The following PROM2 variants were observed in gnomAD, a reference collection of about 807,000 sequenced individuals.
PROM2 encodes prominin 2.
A neutral mutation model predicts 110.2 loss-of-function variants in PROM2; 90 were observed. The observed-to-expected ratio is 0.82, with a 90% CI of 0.69 to 0.97. The LOEUF (loss-of-function observed/expected upper bound fraction) is 0.97. Ranked by LOEUF, PROM2 falls within the 50% of genes least tolerant of loss-of-function variation. The probability of loss-of-function intolerance (pLI) is 0.00; values close to 1 mark genes in which losing one functional copy is unlikely to be tolerated. For synonymous variants in PROM2, 470 were observed against 467.8 expected, an observed-to-expected ratio of 1.00 and a Z score of -0.06; for missense variants, 1,009 against 1,074.8, an observed-to-expected ratio of 0.94 and a Z score of 0.86.
chr2:95,285,697 T>C lies in PROM2; in HGVS notation c.1934T>C (p.Leu645Pro). 12 of 1,601,732 alleles carry C rather than the reference T, an allele frequency of 7.5e-6. No homozygotes were observed. The highest frequency in any genetic ancestry group is 9.4e-6 in the Non-Finnish European group (11 of 1,173,910). Reference protein sequence around the residue: ...MEQLAQELQGLAQAQDNSVLG... With the variant: ...MEQLAQELQGPAQAQDNSVLG... ...CAGCTGGCCCAGGAGCTGCAAGGACTGGCCCAGGCCCAAGTGAGTGGGAAA... is the reference window on the plus strand; with the variant it reads ...CAGCTGGCCCAGGAGCTGCAAGGACCGGCCCAGGCCCAAGTGAGTGGGAAA... The change falls in exon 16 of 24, where the codon CTG (leucine) becomes CCG (proline). Residue 645 changes from leucine to proline, a missense_variant. Coordinates refer to ENST00000317620, the MANE Select transcript of PROM2 (RefSeq NM_001165978.3).
rs1346631822 is a variant in PROM2 at position 95,275,647 on chromosome 2, C to T, written c.294+137C>T. 1.5e-6 allele frequency: 2 copies of T among 1,362,088 alleles called. No individual in the cohort carries two copies. The highest frequency in any genetic ancestry group is 2.0e-6 in the Non-Finnish European group (2 of 1,009,154). The allele number at this position is 1,362,088 out of a possible 1,614,324, so 84.4% of individuals were successfully genotyped here. ...AGGGGCTCAGGCATCCTCTCCCCTC[C>T]TCTGTGGGCGCTGCAGTCCGTAGAC... On this transcript the variant is annotated intron_variant, in intron 2 of 23. Coordinates refer to ENST00000317620, the MANE Select transcript of PROM2 (RefSeq NM_001165978.3). The surrounding 1 kb of genome is among the most constrained non-coding windows in gnomAD (Gnocchi z 4.4).
In PROM2 at chr2:95,278,710, G is replaced by T; in HGVS notation, c.1051-11G>T. 6.2e-7 allele frequency: 1 copy of T among 1,614,066 alleles called. No individual in the cohort carries two copies. ...GAGATGGGGAGGCCCAGCACTACTTGGTTCCTGCAGGAGAACAGCACCTTC... is the reference window on the plus strand; with the variant it reads ...GAGATGGGGAGGCCCAGCACTACTTTGTTCCTGCAGGAGAACAGCACCTTC... On this transcript the variant is annotated splice_polypyrimidine_tract_variant and intron_variant, in intron 8 of 23. Coordinates refer to ENST00000317620, the MANE Select transcript of PROM2 (RefSeq NM_001165978.3).
intron 10 of PROM2, among the ~76,000 whole-genome samples, chr2:95,279,399 C>T (rs537558797): frequency 1.1e-4 from 17 of 151,604 alleles, no homozygotes; most frequent in Non-Finnish European, 2.1e-4. Flanking sequence ...CCGGTTCAAG[C>T]GATTCTCTTG....
At chr2:95,286,954 C>T (rs2104144533) in intron 18 of PROM2, 97 bp downstream of exon 18, 3 of 1,444,110 alleles carry the variant, frequency 2.1e-6, no homozygotes, top group Admixed American at 3.4e-5. Context: ...AGAGCTCTGC[C>T]CAGGTTGCAG....
At chr2:95,280,785 C>G (rs1412924513) in intron 11 of PROM2, among the ~76,000 whole-genome samples, 1 of 152,182 alleles carries the variant, frequency 6.6e-6, no homozygotes, top group Non-Finnish European at 1.5e-5. Flanking sequence ...GTTGGGACTA[C>G]AGGCGTGTGC....
rs761329720 is a variant in PROM2, at chr2:95,276,138, G to T, written c.497+6G>T. On this transcript the variant is annotated splice_donor_region_variant and intron_variant, in intron 3 of 23. Transcript: ENST00000317620. The surrounding 1 kb of genome is among the most constrained non-coding windows in gnomAD (Gnocchi z 4.6). ...CTGACCACCCTCTTGCTGCTGTAAG[G>T]CGCTGCCCAGGGCCCGGGTAGGGCG... The T allele has an allele frequency of 4.3e-6, 7 of 1,611,884 alleles. No individual in the cohort carries two copies. Among genetic ancestry groups the T allele is most frequent in the Non-Finnish European group, 8.5e-7 (1 of 1,179,256 alleles).
At chr2:95,279,359 C>T (rs1558743714) in intron 10 of PROM2, among the ~76,000 whole-genome samples, 4 of 150,214 alleles carry the variant, frequency 2.7e-5, no homozygotes, top group South Asian at 2.1e-4. Context: ...TGCAGTGGGG[C>T]GATCTTGGGT....
Position 95,279,863 on chromosome 2 carries a change from G to T in PROM2, c.1293G>T (p.Val431=). 1 of 1,497,452 alleles carries T rather than the reference G, an allele frequency of 6.7e-7. No homozygotes were observed. The highest frequency in any genetic ancestry group is 1.4e-5 in the South Asian group (1 of 73,802). The allele number at this position is 1,497,452 out of a possible 1,614,324, so 92.8% of individuals were successfully genotyped here. ...YETYRWIVGC[V]LCSVVLFVVL... is the part of the protein sequence containing the mutation. ...GTGGCAGGTGGATCGTGGGCTGCGT[G>T]CTGTGCTCCGTGGTCCTATTCGTGG... The change falls in exon 11 of 24, where the codon GTG becomes GTT. Residue 431 remains valine, a synonymous_variant. Coordinates refer to ENST00000317620, the MANE Select transcript of PROM2 (RefSeq NM_001165978.3).
In PROM2 at chr2:95,279,099, G is replaced by A. The variant is rs369103674; in HGVS notation, c.1229G>A (p.Ser410Asn). ...WAQALQEVEE[S>N]SRPYLQEVQR... is the part of the protein sequence containing the mutation. ...CAGGCACTGCAGGAGGTGGAGGAGA[G>A]CAGCCGCCCCTACCTGCAGGAGGTG... The change falls in exon 10 of 24, where the codon AGC becomes AAC. Residue 410 changes from serine (S) to asparagine (N), a missense_variant. Ser to Asn is a conservative substitution (Grantham distance 46). Coordinates refer to ENST00000317620, the MANE Select transcript of PROM2 (RefSeq NM_001165978.3). The A allele has an allele frequency of 1.8e-5, 25 of 1,412,996 alleles. No homozygotes were observed. The highest frequency in any genetic ancestry group is 9.5e-5 in the Admixed American group (5 of 52,702). 87.5% of individuals were successfully genotyped at this position (1,412,996 alleles called of 1,614,324 possible). A position where few individuals can be genotyped will look rare whatever the true frequency, so the allele number is the denominator to read the frequency against.
In PROM2 at chr2:95,275,095, T is replaced by G; in HGVS notation, c.244+266T>G. ...ATTAGACCTGACTCAGACATCCTCT[T>G]AGTCTATCGGTGCTTGGGTTGGGTG... is the stretch of plus-strand genomic sequence containing the variant. On this transcript the variant is annotated intron_variant, in intron 1 of 23. Transcript: ENST00000317620. The surrounding 1 kb of genome is among the most constrained non-coding windows in gnomAD (Gnocchi z 4.4). 1 of 482,462 alleles carries G rather than the reference T, an allele frequency of 2.1e-6. No individual in the cohort carries two copies. The allele number at this position is 482,462 out of a possible 1,614,324, so 29.9% of individuals were successfully genotyped here.
intron 11 of PROM2, among the ~76,000 whole-genome samples, chr2:95,280,789 C>T (rs574668550): frequency 7.2e-5 from 11 of 152,220 alleles, no homozygotes; most frequent in Non-Finnish European, 1.0e-4. Context: ...GGACTACAGG[C>T]GTGTGCCACC....
In PROM2 at chr2:95,276,840, T is replaced by C; in HGVS notation, c.683-132T>C. Reference sequence around the variant, plus strand: ...TCAGCTGCTGGAGGAAGAAGCCGTGTCCCCGCTCCTTCACTCCCCTCCACC... The same window carrying C: ...TCAGCTGCTGGAGGAAGAAGCCGTGCCCCCGCTCCTTCACTCCCCTCCACC... On this transcript the variant is annotated intron_variant, in intron 5 of 23. Transcript: ENST00000317620. The surrounding 1 kb of genome is among the most constrained non-coding windows in gnomAD (Gnocchi z 4.6). The C allele has an allele frequency of 9.0e-7, 1 of 1,109,264 alleles. No homozygotes were observed. The highest frequency in any genetic ancestry group is 2.1e-5 in the Admixed American group (1 of 47,354). 68.7% of individuals were successfully genotyped at this position (1,109,264 alleles called of 1,614,324 possible).
chr2:95,283,387 G>A (rs1189565984), intron 14 of PROM2, among the ~76,000 whole-genome samples: 3 of 152,250 alleles, frequency 2.0e-5, no homozygotes, highest in Non-Finnish European at 2.9e-5. Context: ...TACCAAATGT[G>A]GCTGTAAGAA....
intron 7 of PROM2, 82 bp from the exon 8 acceptor site, chr2:95,277,848 C>A: frequency 1.7e-6 from 2 of 1,209,784 alleles, no homozygotes; most frequent in South Asian, 2.6e-5. Flanking sequence ...GTTCAGAGGC[C>A]CCTGCCCCCC....
chr2:95,288,068 A>C, intron 20 of PROM2, 143 bp from the exon 21 acceptor site: 1 of 708,720 alleles, frequency 1.4e-6, no homozygotes. Flanking sequence ...GCCTCTCTGC[A>C]TGTGTATACA....
chr2:95,282,332 A>G, intron 14 of PROM2, 106 bp downstream of exon 14: 1 of 965,176 alleles, frequency 1.0e-6, no homozygotes, highest in East Asian at 2.6e-5. Context: ...GAGACCTGAG[A>G]AGTCTGTGTG....
intron 20 of PROM2, 62 bp from the exon 21 acceptor site, chr2:95,288,149 T>C (rs1677480754): frequency 1.3e-6 from 2 of 1,534,370 alleles, no homozygotes; most frequent in South Asian, 1.1e-5. Context: ...CTGAATTGAA[T>C]ATGGGTGTGC....
intron 14 of PROM2, among the ~76,000 whole-genome samples, chr2:95,284,592 G>A (rs887316683): frequency 9.9e-5 from 15 of 152,186 alleles, no homozygotes; most frequent in African/African-American, 2.2e-4. Flanking sequence ...ACCGGCAGCC[G>A]TTTCTGGGGA....
intron 14 of PROM2, among the ~76,000 whole-genome samples, chr2:95,283,279 G>A (rs1157382043): frequency 1.3e-5 from 2 of 152,214 alleles, no homozygotes; most frequent in South Asian, 2.1e-4. Flanking sequence ...CTGGGCTCTG[G>A]TCCTTGGCAG....
Sources: allele counts gnomAD v4.1 joint callset (sites outside exome capture counted in the v4.1 genomes callset), GRCh38; gene constraint gnomAD v4.1.1; non-coding constraint Gnocchi (gnomAD v3.1); transcripts MANE v1.5; gene names NCBI Gene and HGNC (gene_info 2026-07-23, HGNC 2026-07-21).